NRG1: variants seen among roughly 807,000 people sequenced by gnomAD.
NRG1 encodes the protein neuregulin 1.
NRG1 carries 18 observed loss-of-function variants against 63.8 expected under a neutral mutation model. That is an observed-to-expected ratio of 0.28 (90% CI 0.19 to 0.42). The LOEUF is 0.42. Among genes scored for constraint, NRG1 ranks in the 10% least tolerant of loss-of-function variants. The pLI is 1.00. For missense variants in NRG1, 762 were observed against 814.7 expected, an observed-to-expected ratio of 0.94 and a Z score of 0.79; for synonymous variants, 302 against 301.3, an observed-to-expected ratio of 1.00 and a Z score of -0.02.
chr8:32,763,455 CT>C, intron 11 of NRG1: 1 of 1,340,242 alleles, frequency 7.5e-7, no homozygotes, highest in Non-Finnish European at 1.0e-6. Flanking sequence ...GCCTTCTTGT[CT>C]TGGCTCATAT....
chr8:32,538,323 C>T (rs1257511658), intron 1 of NRG1, among the ~76,000 whole-genome samples: 1 of 152,148 alleles, frequency 6.6e-6, no homozygotes, highest in Non-Finnish European at 1.5e-5. Context: ...TTAAACTTTT[C>T]AGAAATCAAG....
At chr8:31,967,070 G>A (rs1806469761) in intron 1 of NRG1, among the ~76,000 whole-genome samples, 1 of 152,144 alleles carries the variant, frequency 6.6e-6, no homozygotes, top group Non-Finnish European at 1.5e-5. Context: ...TGTGCTACCT[G>A]ATGAGTTAAA....
intron 1 of NRG1, among the ~76,000 whole-genome samples, chr8:31,770,359 A>T (rs1818487076): frequency 1.3e-5 from 2 of 152,116 alleles, no homozygotes; most frequent in African/African-American, 4.8e-5. Context: ...GGTAAAAGTC[A>T]AGTTGCTGCA....
At chr8:32,014,715 AC>A (rs200062548) in intron 1 of NRG1, among the ~76,000 whole-genome samples, 3,506 of 144,558 alleles carry the variant, frequency 0.024, 80 homozygotes, top group African/African-American at 0.065. Flanking sequence ...GAGCCCCCCA[AC>A]CCCCCCCCAA....
chr8:32,413,883 T>A (rs1003608746), intron 1 of NRG1, among the ~76,000 whole-genome samples: 1 of 151,784 alleles, frequency 6.6e-6, no homozygotes, highest in Non-Finnish European at 1.5e-5. Flanking sequence ...GGGACACAGG[T>A]ATAGAAACCT....
At chr8:32,337,918 T>C (rs1803533988) in intron 1 of NRG1, among the ~76,000 whole-genome samples, 1 of 152,176 alleles carries the variant, frequency 6.6e-6, no homozygotes, top group African/African-American at 2.4e-5. Flanking sequence ...AACTAGTTAT[T>C]GTTGAGACCA....
intron 1 of NRG1, among the ~76,000 whole-genome samples, chr8:32,510,800 C>T (rs1368387186): frequency 6.6e-6 from 1 of 152,084 alleles, no homozygotes; most frequent in African/African-American, 2.4e-5. Flanking sequence ...CTCTCTAGTC[C>T]AGGCCATACC....
intron 1 of NRG1, among the ~76,000 whole-genome samples, chr8:31,716,654 C>A (rs1354796090): frequency 6.6e-6 from 1 of 152,156 alleles, no homozygotes; most frequent in African/African-American, 2.4e-5. Context: ...AAATATGTCC[C>A]TCAGCTCTAG....
At chr8:32,147,113 TA>T (rs1836950461) in intron 1 of NRG1, among the ~76,000 whole-genome samples, 1 of 152,132 alleles carries the variant, frequency 6.6e-6, no homozygotes, top group Admixed American at 6.5e-5. Context: ...TTGGAAAGAG[TA>T]AATGAGTGTT....
chr8:32,425,111 C>T (rs1284697927), intron 1 of NRG1, among the ~76,000 whole-genome samples: 1 of 152,120 alleles, frequency 6.6e-6, no homozygotes, highest in African/African-American at 2.4e-5. Flanking sequence ...CCCATCTTGG[C>T]TAGGCAAGCA....
intron 1 of NRG1, among the ~76,000 whole-genome samples, chr8:32,576,863 G>A (rs1839736077): frequency 6.6e-6 from 1 of 151,806 alleles, no homozygotes; most frequent in East Asian, 1.9e-4. Flanking sequence ...ATGCAAGTTT[G>A]TCATATGAGT....
At chr8:32,760,443 CTCAG>C (rs776962960) in intron 11 of NRG1, 37 bp downstream of exon 11, 4 of 1,610,810 alleles carry the variant, frequency 2.5e-6, no homozygotes, top group South Asian at 2.2e-5. Flanking sequence ...AGAGGAGAAA[CTCAG>C]TCAGAGAATC....
intron 5 of NRG1, among the ~76,000 whole-genome samples, chr8:32,693,808 T>C (rs1812523783): frequency 6.6e-6 from 1 of 152,212 alleles, no homozygotes; most frequent in South Asian, 2.1e-4. Context: ...AATAAGGAGA[T>C]ATGACCCCAT....
At chr8:32,412,769 A>C (rs1167294826) in intron 1 of NRG1, among the ~76,000 whole-genome samples, 1 of 152,046 alleles carries the variant, frequency 6.6e-6, no homozygotes, top group Non-Finnish European at 1.5e-5. Flanking sequence ...TTGTGTCTCT[A>C]AACATAGAAA....
intron 1 of NRG1, among the ~76,000 whole-genome samples, chr8:31,721,119 A>G (rs79484954): frequency 1.3e-5 from 2 of 152,286 alleles, no homozygotes; most frequent in African/African-American, 4.8e-5. Flanking sequence ...ACCCATTGGT[A>G]CCAGATTTGG....
At chr8:32,504,466 G>GT (rs1322341024) in intron 1 of NRG1, among the ~76,000 whole-genome samples, 2 of 151,972 alleles carry the variant, frequency 1.3e-5, no homozygotes, top group African/African-American at 2.4e-5. Context: ...ACTTATAAGC[G>GT]TTTTTTTAAG....
intron 1 of NRG1, among the ~76,000 whole-genome samples, chr8:32,402,790 A>G (rs1163738740): frequency 1.3e-5 from 2 of 152,164 alleles, no homozygotes; most frequent in African/African-American, 2.4e-5. Flanking sequence ...TAGATCTTCT[A>G]TCTGTTGAAC....
intron 1 of NRG1, among the ~76,000 whole-genome samples, chr8:32,502,585 T>C (rs918964500): frequency 2.2e-4 from 33 of 150,998 alleles, no homozygotes; most frequent in Non-Finnish European, 2.9e-5. Context: ...ACTTTCTATA[T>C]CAACTCACAT....
At chr8:31,926,763 C>A (rs904146303) in intron 1 of NRG1, among the ~76,000 whole-genome samples, 1 of 152,034 alleles carries the variant, frequency 6.6e-6, no homozygotes, top group Non-Finnish European at 1.5e-5. Flanking sequence ...GTTAGAAAAG[C>A]TTAGACTCTG....
Sources: gnomAD v4.1 joint callset for allele counts (sites outside exome capture counted in the v4.1 genomes callset) on GRCh38, gnomAD v4.1.1 for gene constraint, MANE v1.5 for transcripts, NCBI Gene and HGNC (gene_info 2026-07-23, HGNC 2026-07-21) for gene names.